Variants in ZFHX3 observed in about 807,000 individuals in gnomAD.
ZFHX3 encodes the protein zinc finger homeobox protein 3.
A neutral mutation model predicts 279.1 loss-of-function variants in ZFHX3; 42 were observed. The ratio of observed to expected loss-of-function variants is 0.15; its 90% CI spans 0.12 to 0.19. ZFHX3 has a LOEUF of 0.19. ZFHX3 is among the 10% of genes least tolerant of loss of function. The probability of loss-of-function intolerance (pLI) is 1.00; values close to 1 mark genes in which losing one functional copy is unlikely to be tolerated. For synonymous variants in ZFHX3, 2,293 were observed against 1,957.8 expected, an observed-to-expected ratio of 1.17 and a Z score of -4.52; for missense variants, 4,981 against 4,754.0, an observed-to-expected ratio of 1.05 and a Z score of -1.40.
At chr16:73,248,622 A>G (rs2013380230) in intron 5 of ZFHX3, among the ~76,000 whole-genome samples, 1 of 146,482 alleles carries the variant, frequency 6.8e-6, no homozygotes, top group African/African-American at 2.6e-5. Flanking sequence ...CTGTGTGTCT[A>G]CGTGCCTGTA....
intron 3 of ZFHX3, among the ~76,000 whole-genome samples, chr16:73,352,475 T>TG (rs1555511712): frequency 1.0e-4 from 3 of 29,448 alleles, no homozygotes; most frequent in Admixed American, 5.6e-4. Context: ...TCTCTCTCTC[T>TG]TTTTTTTTTT....
At position 73,493,206 on chromosome 16, in the gene ZFHX3, A is replaced by G. The variant is rs150661171; in HGVS notation, c.-1546-36948T>C. On this transcript the variant is annotated intron_variant, in intron 2 of 17. Transcript: ENST00000641206. ...CTCGTCTGCTTCCAACAGACTATGC[A>G]TCACTTTCTTGCCATGAACCTATCT... 2.5e-3 allele frequency among the ~76,000 whole-genome samples: 381 copies of G among 152,304 alleles called. 4 individuals carry two copies. The highest frequency in any genetic ancestry group is 8.7e-3 in the African/African-American group (360 of 41,562).
At chr16:73,731,097 T>C (rs2053566493) in intron 1 of ZFHX3, among the ~76,000 whole-genome samples, 1 of 152,256 alleles carries the variant, frequency 6.6e-6, no homozygotes, top group Admixed American at 6.5e-5. Context: ...TTGTCATTCA[T>C]ATATTGTTTA....
chr16:72,800,050 A>G lies in ZFHX3; in HGVS notation c.3944T>C (p.Leu1315Ser). The change falls in exon 8 of 10, where the codon TTG becomes TCG. Residue 1315 changes from leucine (L) to serine (S), a missense_variant. Physicochemically the swap from Leu to Ser is moderately radical, Grantham distance 145. This residue lies in a region of ZFHX3 where 1,751 missense variants were observed against 1,770.0 expected (regional missense o/e 0.99). Coordinates refer to ENST00000268489, the MANE Select transcript of ZFHX3 (RefSeq NM_006885.4). ...ACCAGGCTGCTTTCCTGCCTCTTCCAAATTGGAATTCCCATCTCGATCTGG... is the reference window on the plus strand; with the variant it reads ...ACCAGGCTGCTTTCCTGCCTCTTCCGAATTGGAATTCCCATCTCGATCTGG... ...AVPDRDGNSN[L>S]EEAGKQPETS... 4 of 1,614,194 alleles carry G rather than the reference A, an allele frequency of 2.5e-6. No homozygotes were observed. Among genetic ancestry groups the G allele is most frequent in the Non-Finnish European group, 3.4e-6 (4 of 1,180,034 alleles).
At chr16:73,122,791 C>G in intron 7 of ZFHX3, among the ~76,000 whole-genome samples, 1 of 152,092 alleles carries the variant, frequency 6.6e-6, no homozygotes, top group Non-Finnish European at 1.5e-5. Context: ...TTCGGCTTTC[C>G]GTGGCCCTGG....
intron 7 of ZFHX3, among the ~76,000 whole-genome samples, chr16:73,126,176 GA>G (rs1332463415): frequency 1.3e-5 from 2 of 152,150 alleles, no homozygotes; most frequent in Non-Finnish European, 2.9e-5. Flanking sequence ...TCCATTCTGG[GA>G]GGCTCTGGGA....
intron 1 of ZFHX3, among the ~76,000 whole-genome samples, chr16:72,968,514 G>A (rs190581115): frequency 2.4e-4 from 36 of 148,344 alleles, no homozygotes; most frequent in African/African-American, 7.5e-4. Flanking sequence ...AGGCTGGAGT[G>A]CAGTGGCGCA....
chr16:73,534,661 G>A (rs1436616485), intron 2 of ZFHX3, among the ~76,000 whole-genome samples: 1 of 152,132 alleles, frequency 6.6e-6, no homozygotes, highest in Non-Finnish European at 1.5e-5. Flanking sequence ...AGGATCAAAT[G>A]AGCTTCATAT....
chr16:73,476,522 G>A (rs2018768528), intron 2 of ZFHX3, among the ~76,000 whole-genome samples: 1 of 152,124 alleles, frequency 6.6e-6, no homozygotes, highest in African/African-American at 2.4e-5. Context: ...CAAGAATATT[G>A]TGGCTTGATT....
At chr16:72,804,914 C>G (rs1365465396) in intron 7 of ZFHX3, among the ~76,000 whole-genome samples, 1 of 152,122 alleles carries the variant, frequency 6.6e-6, no homozygotes, top group East Asian at 1.9e-4. Flanking sequence ...ACAGGCTCAC[C>G]TAGGTTAGAT....
At chr16:73,146,215 G>C (rs919371600) in intron 5 of ZFHX3, among the ~76,000 whole-genome samples, 4 of 152,112 alleles carry the variant, frequency 2.6e-5, no homozygotes, top group Non-Finnish European at 5.9e-5. Flanking sequence ...GGATCACAAG[G>C]TCAAGAGATT....
chr16:73,744,877 A>G (rs2053689924), intron 1 of ZFHX3, among the ~76,000 whole-genome samples: 2 of 152,212 alleles, frequency 1.3e-5, no homozygotes, highest in African/African-American at 4.8e-5. Flanking sequence ...TTTTTCAAGA[A>G]CTGCCCCAAA....
At chr16:73,546,388 C>A (rs2020108300) in intron 2 of ZFHX3, among the ~76,000 whole-genome samples, 1 of 151,228 alleles carries the variant, frequency 6.6e-6, no homozygotes, top group Non-Finnish European at 1.5e-5. Flanking sequence ...GAGCCCCGGG[C>A]AGCTAGGGTT....
chr16:73,028,866 C>T (rs1055105799), intron 1 of ZFHX3, among the ~76,000 whole-genome samples: 1 of 152,216 alleles, frequency 6.6e-6, no homozygotes, highest in East Asian at 1.9e-4. Context: ...GAAACCTTTT[C>T]GGCAACAACA....
chr16:73,096,033 T>C (rs2144783144), intron 7 of ZFHX3, among the ~76,000 whole-genome samples: 1 of 152,190 alleles, frequency 6.6e-6, no homozygotes, highest in Non-Finnish European at 1.5e-5. Flanking sequence ...ACGATGTGAT[T>C]GAGCCAAGGG....
intron 3 of ZFHX3, among the ~76,000 whole-genome samples, chr16:73,441,123 A>C (rs911536979): frequency 1.3e-4 from 20 of 152,108 alleles, no homozygotes; most frequent in African/African-American, 4.8e-4. Context: ...TTACTAATTT[A>C]CTAAATGGTA....
chr16:73,048,465 C>T (rs1308480892), upstream of ZFHX3: 1 of 152,078 alleles, frequency 6.6e-6, no homozygotes, highest in South Asian at 2.1e-4. Context: ...GGCCAGGAAC[C>T]CTCGCCGCTC....
At chr16:73,704,538 A>T (rs994521458) in intron 1 of ZFHX3, among the ~76,000 whole-genome samples, 1 of 152,244 alleles carries the variant, frequency 6.6e-6, no homozygotes, top group Non-Finnish European at 1.5e-5. Flanking sequence ...CACATAAGAC[A>T]CTGCTACCAA....
intron 1 of ZFHX3, among the ~76,000 whole-genome samples, chr16:73,844,284 G>A (rs1961387882): frequency 6.6e-6 from 1 of 152,330 alleles, no homozygotes; most frequent in South Asian, 2.1e-4. Flanking sequence ...GAAGTTATAT[G>A]ACTGGGGGGG....
Sources: gnomAD v4.1 joint callset for allele counts (sites outside exome capture counted in the v4.1 genomes callset) on GRCh38, gnomAD v4.1.1 for gene constraint, gnomAD v4.1.1 regional missense constraint, MANE v1.5 for transcripts, NCBI Gene and HGNC (gene_info 2026-07-23, HGNC 2026-07-21) for gene names.